The following UNC13A variants were observed in gnomAD, a reference collection of about 807,000 sequenced individuals.
UNC13A encodes the protein protein unc-13 homolog A.
A neutral mutation model predicts 219.7 loss-of-function variants in UNC13A; 61 were observed. That is an observed-to-expected ratio of 0.28 (90% confidence interval 0.23 to 0.34). The LOEUF is 0.34. Among genes scored for constraint, UNC13A ranks in the 10% least tolerant of loss-of-function variants. The probability of loss-of-function intolerance (pLI) is 1.00; values close to 1 mark genes in which losing one functional copy is unlikely to be tolerated. For synonymous variants in UNC13A, 920 were observed against 884.6 expected, an observed-to-expected ratio of 1.04 and a Z score of -0.71; for missense variants, 1,476 against 2,270.3, an observed-to-expected ratio of 0.65 and a Z score of 7.11.
intron 21 of UNC13A, 129 bp from the exon 22 acceptor site, chr19:17,640,790 A>T: frequency 9.7e-7 from 1 of 1,026,450 alleles, no homozygotes; most frequent in Non-Finnish European, 1.3e-6. Context: ...CCCCTGCCTG[A>T]TTCTGTCCTT....
At chr19:17,630,362 C>T in intron 29 of UNC13A, 74 bp from the exon 30 acceptor site, 1 of 1,529,422 alleles carries the variant, frequency 6.5e-7, no homozygotes. Flanking sequence ...CTCTCCCACT[C>T]TCCACGGGGA....
rs774683514 is a variant in UNC13A, at chr19:17,627,839, A to AGCCCTGCCTCG, written c.3831+13_3831+23dup. 5 of 1,581,722 alleles carry AGCCCTGCCTCG rather than the reference A, an allele frequency of 3.2e-6. No individual in the cohort carries two copies. In the African/African-American group the frequency reaches 4.0e-5, roughly 13 times the overall value. The stretch of plus-strand genomic sequence containing the variant: ...GGTGGGGGTGCCCCATCCCTTCTCC[A>AGCCCTGCCTCG]GCCCTGCCTCGGCCCTGCCTCACCT... On this transcript the variant is annotated intron_variant, in intron 32 of 43. Transcript: ENST00000519716. The surrounding 1 kb of genome is among the most constrained non-coding windows in gnomAD (Gnocchi z 4.7).
intron 18 of UNC13A, 60 bp from the exon 19 acceptor site, chr19:17,645,903 G>T: frequency 1.3e-6 from 2 of 1,593,642 alleles, no homozygotes; most frequent in Non-Finnish European, 1.7e-6. Context: ...TCCTGTCCTT[G>T]GAGCCCTCTT....
intron 20 of UNC13A, 147 bp downstream of exon 20, chr19:17,642,695 GGGA>G (rs747772782): frequency 4.3e-5 from 29 of 669,038 alleles, no homozygotes; most frequent in Non-Finnish European, 6.5e-5. Flanking sequence ...TTGATGGATA[GGGA>G]GGAGTTTTCC....
At chr19:17,639,339 A>C in intron 24 of UNC13A, 97 bp downstream of exon 24, 2 of 1,564,700 alleles carry the variant, frequency 1.3e-6, no homozygotes, top group Non-Finnish European at 1.7e-6. Flanking sequence ...TTACTGAGAA[A>C]GGCTGCCACT....
intron 42 of UNC13A, 141 bp downstream of exon 42, chr19:17,611,621 TG>T: frequency 1.5e-6 from 1 of 654,446 alleles, no homozygotes; most frequent in South Asian, 2.1e-5. Context: ...GATCCAGCCA[TG>T]CCTGAAGGTG....
intron 16 of UNC13A, 59 bp downstream of exon 16, chr19:17,648,372 T>TGCAAGCCCC: frequency 9.5e-7 from 1 of 1,052,116 alleles, no homozygotes; most frequent in Non-Finnish European, 1.2e-6. Flanking sequence ...TTCCCCGCCA[T>TGCAAGCCCC]GCAAGCCCCG....
intron 28 of UNC13A, among the ~76,000 whole-genome samples, chr19:17,631,993 C>T (rs1225612785): frequency 6.6e-6 from 1 of 152,190 alleles, no homozygotes; most frequent in African/African-American, 2.4e-5. Context: ...TCACTGCAAC[C>T]TCCGCCTCCT....
chr19:17,645,680 T>G lies in UNC13A; in HGVS notation c.2350A>C (p.Asn784His), dbSNP rs1365217749. The stretch of plus-strand genomic sequence containing the variant: ...AGAACCCAGCTTCTCTCACCCAGGT[T>G]GTACCACACGTCCATCTCGCCGCTG... ...TLSGEMDVWYNLDKRTDKSAV... is the reference protein window; with the variant it reads ...TLSGEMDVWYHLDKRTDKSAV... The change falls in exon 19 of 44, where the codon AAC becomes CAC. Residue 784 changes from asparagine (N) to histidine (H), a missense_variant. By Grantham distance (68) the Asn-to-His change is moderately conservative. This residue lies in a region of UNC13A where 66 missense variants were observed against 224.3 expected (regional missense o/e 0.29). Transcript: ENST00000519716. 1.2e-6 allele frequency: 2 copies of G among 1,614,104 alleles called. No individual in the cohort carries two copies. The highest frequency in any genetic ancestry group is 1.7e-6 in the Non-Finnish European group (2 of 1,180,034).
chr19:17,604,196 G>A lies in UNC13A; in HGVS notation c.*1858C>T, dbSNP rs2076497220. The A allele has an allele frequency of 6.6e-6, 1 of 152,126 alleles. No homozygotes were observed. Among genetic ancestry groups the A allele is most frequent in the African/African-American group, 2.4e-5 (1 of 41,390 alleles). 9.4% of individuals were successfully genotyped at this position (152,126 alleles called of 1,614,324 possible). A position where few individuals can be genotyped will look rare whatever the true frequency, so the allele number is the denominator to read the frequency against. ...CCTCCACCTCTCCTCACTGGTTTTA[G>A]TCTTCACAAAACAGCTTTTGCAGGC... On this transcript the variant is annotated 3_prime_UTR_variant, in exon 44 of 44. Coordinates refer to ENST00000519716, the MANE Select transcript of UNC13A (RefSeq NM_001080421.3).
intron 17 of UNC13A, among the ~76,000 whole-genome samples, chr19:17,646,664 C>G (rs1414748515): frequency 6.6e-6 from 1 of 152,110 alleles, no homozygotes; most frequent in Non-Finnish European, 1.5e-5. Flanking sequence ...ATCTCCTGCT[C>G]GTTGGTGCCC....
In UNC13A at chr19:17,649,015, G is replaced by T. The variant is rs1218126303; in HGVS notation, c.1525-32C>A. On this transcript the variant is annotated intron_variant, in intron 14 of 43. Transcript: ENST00000519716. This position sits in a 1 kb window ranked among gnomAD's most constrained non-coding sequence, Gnocchi z 4.4. ...AGGTCACAGAAGAGGGAGTCGGGGG[G>T]GTTGACATCCATGAGATCACCACCA... 7 of 1,567,934 alleles carry T rather than the reference G, an allele frequency of 4.5e-6. No homozygotes were observed. The highest frequency in any genetic ancestry group is 4.7e-5 in the East Asian group (2 of 42,896).
intron 5 of UNC13A, 92 bp from the exon 6 acceptor site, chr19:17,668,282 G>T: frequency 7.9e-7 from 1 of 1,262,404 alleles, no homozygotes. Flanking sequence ...CCGGGCCCTG[G>T]CTTCTGGGGT....
chr19:17,652,334 G>A (rs1301132726), intron 12 of UNC13A, among the ~76,000 whole-genome samples: 1 of 152,096 alleles, frequency 6.6e-6, no homozygotes, highest in Admixed American at 6.6e-5. Context: ...GTTTCACCAT[G>A]TTGGCCAGGC....
chr19:17,605,945 G>C lies in UNC13A; in HGVS notation c.*109C>G. On this transcript the variant is annotated 3_prime_UTR_variant, in exon 44 of 44. Transcript: ENST00000519716. ...GTAGGCGCAGCCCACCCTTGGCGTG[G>C]AGCCCCCCGAGCCCCGCCCCTGGGG... is the stretch of plus-strand genomic sequence containing the variant. 9.5e-7 allele frequency: 1 copy of C among 1,050,990 alleles called. No individual in the cohort carries two copies. The highest frequency in any genetic ancestry group is 1.3e-6 in the Non-Finnish European group (1 of 789,536). The allele number at this position is 1,050,990 out of a possible 1,614,324, so 65.1% of individuals were successfully genotyped here. A position where few individuals can be genotyped will look rare whatever the true frequency, so the allele number is the denominator to read the frequency against.
intron 12 of UNC13A, among the ~76,000 whole-genome samples, chr19:17,650,969 G>A (rs2079335047): frequency 1.5e-5 from 2 of 135,676 alleles, no homozygotes; most frequent in African/African-American, 2.8e-5. Flanking sequence ...ATGGAGTCTC[G>A]CTCTGTCGCC....
At chr19:17,664,333 T>C (rs1183931115) in intron 7 of UNC13A, among the ~76,000 whole-genome samples, 1 of 152,142 alleles carries the variant, frequency 6.6e-6, no homozygotes, top group African/African-American at 2.4e-5. Context: ...ACTATGGGGC[T>C]CAGAGGGATG....
In UNC13A at chr19:17,640,595, G is replaced by T; in HGVS notation, c.2703C>A (p.Leu901=). The change falls in exon 22 of 44, where the codon CTC becomes CTA. Residue 901 remains leucine (L), a synonymous_variant. Transcript: ENST00000519716. ...PGVPAVMSTL[L]ANINAYYAHT... is the part of the protein sequence containing the mutation. The stretch of plus-strand genomic sequence containing the variant: ...GTGCGTAGTAGGCATTGATGTTGGC[G>T]AGCAGGGTGCTCATGACGGCAGGCA... 1 of 1,582,200 alleles carries T rather than the reference G, an allele frequency of 6.3e-7. No homozygotes were observed. Among genetic ancestry groups the T allele is most frequent in the African/African-American group, 1.3e-5 (1 of 74,518 alleles).
intron 41 of UNC13A, 34 bp from the exon 42 acceptor site, chr19:17,611,889 C>T: frequency 6.3e-7 from 1 of 1,594,522 alleles, no homozygotes; most frequent in Non-Finnish European, 8.6e-7. Flanking sequence ...TCAGCGTGAG[C>T]TCTGTTCTTT....
Sources: gnomAD v4.1 joint callset for allele counts (sites outside exome capture counted in the v4.1 genomes callset) on GRCh38, gnomAD v4.1.1 for gene constraint, gnomAD v4.1.1 regional missense constraint, Gnocchi (gnomAD v3.1) non-coding constraint, MANE v1.5 for transcripts, NCBI Gene and HGNC (gene_info 2026-07-23, HGNC 2026-07-21) for gene names.